SUSD1: variants seen among roughly 807,000 people sequenced by gnomAD.
SUSD1 encodes sushi domain containing 1.
A neutral mutation model predicts 86.9 loss-of-function variants in SUSD1; 65 were observed. That is an observed-to-expected ratio of 0.75 (90% CI 0.61 to 0.92). The LOEUF (loss-of-function observed/expected upper bound fraction) is 0.92. Ranked by LOEUF, SUSD1 falls within the 40% of genes least tolerant of loss-of-function variation. The probability of loss-of-function intolerance (pLI) is 0.00; values close to 1 mark genes in which losing one functional copy is unlikely to be tolerated. For missense variants in SUSD1, 850 were observed against 929.7 expected (o/e 0.91, Z 1.11); for synonymous variants, 346 against 350.0 (o/e 0.99, Z 0.13).
chr9:112,079,026 C>T lies in SUSD1; in HGVS notation c.1567-302G>A, dbSNP rs550592063. 5.3e-5 allele frequency among the ~76,000 whole-genome samples: 8 copies of T among 151,996 alleles called. No homozygotes were observed. In the South Asian group the frequency reaches 1.5e-3, roughly 28 times the overall value. Reference sequence around the variant, plus strand: ...ACAGGGTTTCGCCATGTTGCCCAGGCTGGTCTCAAACTCCTGAGCTCTAGT... The same window carrying T: ...ACAGGGTTTCGCCATGTTGCCCAGGTTGGTCTCAAACTCCTGAGCTCTAGT... On this transcript the variant is annotated intron_variant, in intron 11 of 16. Transcript: ENST00000374270.
intron 2 of SUSD1, among the ~76,000 whole-genome samples, chr9:112,154,605 CAA>C (rs1833213919): frequency 6.6e-6 from 1 of 152,092 alleles, no homozygotes; most frequent in Non-Finnish European, 1.5e-5. Flanking sequence ...ATAGTTAGGC[CAA>C]GTGTCCGTCC....
intron 12 of SUSD1, among the ~76,000 whole-genome samples, chr9:112,069,358 C>A (rs1829148257): frequency 6.6e-6 from 1 of 152,112 alleles, no homozygotes; most frequent in African/African-American, 2.4e-5. Context: ...GGCCTCACAT[C>A]ACTCATTTGT....
At chr9:112,147,282 G>T (rs1333745361) in intron 3 of SUSD1, among the ~76,000 whole-genome samples, 1 of 151,888 alleles carries the variant, frequency 6.6e-6, no homozygotes, top group East Asian at 1.9e-4. Flanking sequence ...CGAGGCAGGT[G>T]AATCAGCCGA....
At chr9:112,105,608 A>G (rs1830805254) in intron 8 of SUSD1, among the ~76,000 whole-genome samples, 1 of 152,148 alleles carries the variant, frequency 6.6e-6, no homozygotes, top group South Asian at 2.1e-4. Context: ...AATCCCAGCC[A>G]CTCAGGAGGC....
intron 15 of SUSD1, among the ~76,000 whole-genome samples, chr9:112,046,550 T>A (rs1827963908): frequency 6.6e-6 from 1 of 152,172 alleles, no homozygotes; most frequent in African/African-American, 2.4e-5. Flanking sequence ...GATAGAAATA[T>A]CACATGCTGA....
At chr9:112,086,558 GAA>G (rs200795058) in intron 10 of SUSD1, among the ~76,000 whole-genome samples, 16 of 127,862 alleles carry the variant, frequency 1.3e-4, no homozygotes, top group African/African-American at 4.3e-4. Flanking sequence ...AAGAAAGAAA[GAA>G]AGAGAGAGAG....
intron 10 of SUSD1, among the ~76,000 whole-genome samples, chr9:112,087,908 AC>A (rs1386608296): frequency 2.0e-5 from 3 of 152,180 alleles, no homozygotes; most frequent in Non-Finnish European, 2.9e-5. Context: ...ACAACAATCA[AC>A]CCCAAAATGT....
intron 6 of SUSD1, among the ~76,000 whole-genome samples, chr9:112,119,796 G>C (rs1831477815): frequency 6.6e-6 from 1 of 152,132 alleles, no homozygotes; most frequent in African/African-American, 2.4e-5. Context: ...GGGGAAGGAG[G>C]GGGCAGGAAA....
intron 2 of SUSD1, among the ~76,000 whole-genome samples, chr9:112,156,553 T>C (rs929953114): frequency 2.6e-5 from 4 of 151,986 alleles, no homozygotes; most frequent in African/African-American, 9.7e-5. Flanking sequence ...AGTACAGGCA[T>C]GTGCCACCAC....
chr9:112,093,991 A>C (rs1425053895), intron 10 of SUSD1, among the ~76,000 whole-genome samples: 1 of 152,244 alleles, frequency 6.6e-6, no homozygotes, highest in African/African-American at 2.4e-5. Context: ...GAGCTTTGAC[A>C]TTGCCCGGAA....
At position 112,142,494 on chromosome 9, in the gene SUSD1, C is replaced by G; in HGVS notation, c.532G>C (p.Asp178His). 1.2e-6 allele frequency: 2 copies of G among 1,600,148 alleles called. No homozygotes were observed. Among genetic ancestry groups the G allele is most frequent in the Non-Finnish European group, 8.5e-7 (1 of 1,176,992 alleles). ...TTDATSCTEI[D>H]CGTPPEVPDG... ...GGAACCTCAGGAGGGGTACCACAGT[C>G]TATTTCTGAAAATAAATTAATGTCA... The change falls in exon 5 of 17, where the codon GAC becomes CAC. Residue 178 changes from aspartate to histidine, a missense_variant. Transcript: ENST00000374270.
At chr9:112,104,931 A>G (rs1447982400) in intron 8 of SUSD1, 1 of 152,236 alleles carries the variant, frequency 6.6e-6, no homozygotes, top group African/African-American at 2.4e-5. Context: ...TTTATAAAAA[A>G]GAAAATATTG....
chr9:112,100,417 A>T (rs890302225), intron 9 of SUSD1, among the ~76,000 whole-genome samples: 3 of 151,678 alleles, frequency 2.0e-5, no homozygotes, highest in Non-Finnish European at 4.4e-5. Context: ...CGATCTCCTG[A>T]CCTCGTGATC....
intron 3 of SUSD1, 59 bp from the exon 4 acceptor site, chr9:112,143,682 G>T: frequency 6.8e-7 from 1 of 1,470,112 alleles, no homozygotes; most frequent in Non-Finnish European, 9.2e-7. Context: ...AAAAAAAAAA[G>T]GAGAGGATAT....
At chr9:112,122,361 T>C (rs1199529720) in intron 6 of SUSD1, among the ~76,000 whole-genome samples, 1 of 152,190 alleles carries the variant, frequency 6.6e-6, no homozygotes, top group Non-Finnish European at 1.5e-5. Context: ...GGTCTCTCTA[T>C]GTCACCCAGG....
chr9:112,168,385 G>A (rs575584202), intron 1 of SUSD1, among the ~76,000 whole-genome samples: 39 of 152,192 alleles, frequency 2.6e-4, no homozygotes, highest in Non-Finnish European at 3.1e-4. Flanking sequence ...CCCTGTCTTC[G>A]CCACATCCTC....
intron 2 of SUSD1, among the ~76,000 whole-genome samples, chr9:112,153,059 A>G (rs952097878): frequency 2.0e-5 from 3 of 152,082 alleles, no homozygotes; most frequent in African/African-American, 7.2e-5. Context: ...TGAGCCCAGG[A>G]GTTCAAGAAG....
rs115649938 is a variant in SUSD1, at chr9:112,076,166, G to A, written c.1753+2372C>T. Among the ~76,000 whole-genome samples, 1,368 of 152,314 alleles carry A rather than the reference G, an allele frequency of 9.0e-3. 27 individuals are homozygous for A. Among genetic ancestry groups the A allele is most frequent in the African/African-American group, 0.031 (1,299 of 41,560 alleles). ...GCATTTTTAAAAGATCACTCTGAGT[G>A]CTGAGTGATCTTTTGAAAGTTATGG... On this transcript the variant is annotated intron_variant, in intron 12 of 16. Coordinates refer to ENST00000374270, the MANE Select transcript of SUSD1 (RefSeq NM_022486.5).
chr9:112,126,236 T>C (rs2762475), intron 5 of SUSD1, among the ~76,000 whole-genome samples: 65,696 of 151,894 alleles, frequency 0.43, 14,679 homozygotes, highest in East Asian at 0.65. Context: ...ACTAAAGAGG[T>C]TGGAGGTATA....
Sources: gnomAD v4.1 joint callset for allele counts (sites outside exome capture counted in the v4.1 genomes callset) on GRCh38, gnomAD v4.1.1 for gene constraint, MANE v1.5 for transcripts, NCBI Gene and HGNC (gene_info 2026-07-23, HGNC 2026-07-21) for gene names.